RAD54L2: variants seen among roughly 807,000 people sequenced by gnomAD.
RAD54L2 encodes the protein helicase ARIP4.
A neutral mutation model predicts 138.4 loss-of-function variants in RAD54L2; 27 were observed. The observed-to-expected ratio is 0.20, with a 90% CI of 0.14 to 0.27. RAD54L2 has a LOEUF of 0.27. Among genes scored for constraint, RAD54L2 ranks in the 10% least tolerant of loss-of-function variants. The probability of loss-of-function intolerance (pLI) is 1.00; values close to 1 mark genes in which losing one functional copy is unlikely to be tolerated. For synonymous variants in RAD54L2, 644 were observed against 723.2 expected (o/e 0.89, Z 1.76); for missense variants, 1,396 against 1,890.2 (o/e 0.74, Z 4.85).
chr3:51,625,183 C>G (rs1700651823), intron 3 of RAD54L2, among the ~76,000 whole-genome samples: 1 of 152,176 alleles, frequency 6.6e-6, no homozygotes, highest in Non-Finnish European at 1.5e-5. Context: ...CTTTGGGAGG[C>G]TGAAGTGGGT....
chr3:51,568,239 A>G (rs115338192), intron 2 of RAD54L2, among the ~76,000 whole-genome samples: 1,840 of 152,218 alleles, frequency 0.012, 28 homozygotes, highest in African/African-American at 0.042. Flanking sequence ...TGTAACAGTG[A>G]GTTGCACTCC....
In RAD54L2 at chr3:51,663,501, A is replaced by C. The variant is rs977504020; in HGVS notation, c.*81A>C. The C allele has an allele frequency of 2.1e-6, 3 of 1,411,444 alleles. No individual in the cohort carries two copies. The highest frequency in any genetic ancestry group is 2.9e-5 in the African/African-American group (2 of 68,696). 87.4% of individuals were successfully genotyped at this position (1,411,444 alleles called of 1,614,324 possible). ...GAAAGGCAGTGATTTAGACCTTTTG[A>C]GAATAGGACACTTGGCAGGAGGGAA... On this transcript the variant is annotated 3_prime_UTR_variant, in exon 23 of 23. Transcript: ENST00000684192.
intron 1 of RAD54L2, chr3:51,541,310 A>T (rs1188954109): frequency 6.6e-6 from 1 of 152,192 alleles, no homozygotes; most frequent in Non-Finnish European, 1.5e-5. Flanking sequence ...GGTGACAGTT[A>T]ATTATCTTAA....
At chr3:51,555,459 A>G (rs533184556) in intron 2 of RAD54L2, among the ~76,000 whole-genome samples, 7 of 151,770 alleles carry the variant, frequency 4.6e-5, no homozygotes, top group Non-Finnish European at 8.8e-5. Flanking sequence ...CAAAAAATAC[A>G]AAAATTAGCC....
chr3:51,546,571 C>T (rs942859235), intron 2 of RAD54L2, among the ~76,000 whole-genome samples: 4 of 151,844 alleles, frequency 2.6e-5, no homozygotes, highest in Admixed American at 2.6e-4. Flanking sequence ...ACCTGGGAGG[C>T]GGAGGTTGTG....
At chr3:51,572,947 A>G (rs964041475) in intron 2 of RAD54L2, among the ~76,000 whole-genome samples, 57 of 152,166 alleles carry the variant, frequency 3.7e-4, no homozygotes, top group African/African-American at 1.3e-3. Flanking sequence ...AAAAGGTGCT[A>G]TAAATTTTAA....
At chr3:51,576,837 G>A (rs995247207) in intron 2 of RAD54L2, among the ~76,000 whole-genome samples, 1 of 151,786 alleles carries the variant, frequency 6.6e-6, no homozygotes, top group African/African-American at 2.4e-5. Flanking sequence ...GGTTTTTTGT[G>A]TCTCTATTTC....
chr3:51,663,476 G>A lies in RAD54L2; in HGVS notation c.*56G>A. ...CCCCCAGCAGGTTGCCCACCAAGCT[G>A]AAAGGCAGTGATTTAGACCTTTTGA... On this transcript the variant is annotated 3_prime_UTR_variant, in exon 23 of 23. Coordinates refer to ENST00000684192, the MANE Select transcript of RAD54L2 (RefSeq NM_015106.4). 1 of 1,553,148 alleles carries A rather than the reference G, an allele frequency of 6.4e-7. No individual in the cohort carries two copies.
chr3:51,554,779 C>T (rs1698924531), intron 2 of RAD54L2, among the ~76,000 whole-genome samples: 1 of 152,120 alleles, frequency 6.6e-6, no homozygotes, highest in African/African-American at 2.4e-5. Context: ...AAGACTTCAT[C>T]TACATAATAA....
intron 2 of RAD54L2, among the ~76,000 whole-genome samples, chr3:51,544,700 C>T (rs552832121): frequency 1.5e-4 from 23 of 152,158 alleles, no homozygotes; most frequent in Admixed American, 3.3e-4. Flanking sequence ...TCAACCTCCT[C>T]GGTTCAAGCT....
intron 2 of RAD54L2, among the ~76,000 whole-genome samples, chr3:51,575,777 A>G (rs1375903089): frequency 2.0e-5 from 3 of 152,214 alleles, no homozygotes; most frequent in Non-Finnish European, 4.4e-5. Flanking sequence ...TAAGTATACA[A>G]TCATGTCATC....
Position 51,656,036 on chromosome 3 carries a change from T to C in RAD54L2, c.3092T>C (p.Ile1031Thr). 1 of 1,613,914 alleles carries C rather than the reference T, an allele frequency of 6.2e-7. No individual in the cohort carries two copies. Among genetic ancestry groups the C allele is most frequent in the South Asian group, 1.1e-5 (1 of 91,068 alleles). ...GTTCGTCCTGTGCAGTCCACCCCCATCCCCATGATGCCCCGGCATGTCCCA... is the reference window on the plus strand; with the variant it reads ...GTTCGTCCTGTGCAGTCCACCCCCACCCCCATGATGCCCCGGCATGTCCCA... The part of the protein sequence containing the change: ...ASVRPVQSTP[I>T]PMMPRHVPLG... The change falls in exon 20 of 23, where the codon ATC becomes ACC. Residue 1031 changes from isoleucine (I) to threonine (T), a missense_variant. By Grantham distance (89) the Ile-to-Thr change is moderately conservative (BLOSUM62 -1). This residue lies in a region of RAD54L2 where 634 missense variants were observed against 711.2 expected (regional missense o/e 0.89). Coordinates refer to ENST00000684192, the MANE Select transcript of RAD54L2 (RefSeq NM_015106.4).
In RAD54L2 at chr3:51,645,792, A is replaced by C; in HGVS notation, c.2829+29A>C. The C allele has an allele frequency of 1.9e-6, 3 of 1,577,468 alleles. No individual in the cohort carries two copies. The South Asian group carries it at 3.5e-5, about 18-fold the overall frequency. On this transcript the variant is annotated intron_variant, in intron 18 of 22. Coordinates refer to ENST00000684192, the MANE Select transcript of RAD54L2 (RefSeq NM_015106.4). This position sits in a 1 kb window ranked among gnomAD's most constrained non-coding sequence, Gnocchi z 6.1. ...AGAACTTGGTATGCATGCAATCCCC[A>C]GAGTGGCAGTCTCTCTGTCAAAGGA...
In RAD54L2 at chr3:51,663,022, G is replaced by A. The variant is rs1389236738; in HGVS notation, c.4006G>A (p.Ala1336Thr). ...CCAGCTGTCCAATTTGCTGGCAGAT[G>A]CCCGCCTGGTGTTTCCAGTGACTAC... is the stretch of plus-strand genomic sequence containing the variant. Reference protein sequence around the residue: ...YYQLSNLLADARLVFPVTTDP... With the variant: ...YYQLSNLLADTRLVFPVTTDP... The change falls in exon 23 of 23, where the codon GCC becomes ACC. Residue 1336 changes from alanine to threonine, a missense_variant. By Grantham distance (58) the Ala-to-Thr change is moderately conservative. Transcript: ENST00000684192. 1 of 1,613,980 alleles carries A rather than the reference G, an allele frequency of 6.2e-7. No homozygotes were observed. The highest frequency in any genetic ancestry group is 1.1e-5 in the South Asian group (1 of 91,086).
At chr3:51,601,828 G>C (rs901950632) in intron 3 of RAD54L2, among the ~76,000 whole-genome samples, 13 of 151,032 alleles carry the variant, frequency 8.6e-5, no homozygotes, top group African/African-American at 3.2e-4. Flanking sequence ...ATCCCAATTT[G>C]TTTATCCATT....
chr3:51,634,147 G>A (rs1700918533), intron 9 of RAD54L2, 112 bp downstream of exon 9: 1 of 1,356,678 alleles, frequency 7.4e-7, no homozygotes, highest in Non-Finnish European at 9.9e-7. Context: ...ATTTGTTTTT[G>A]GTTTCCTGAT....
intron 1 of RAD54L2, among the ~76,000 whole-genome samples, chr3:51,539,349 C>T (rs1553670840): frequency 6.6e-6 from 1 of 152,152 alleles, no homozygotes; most frequent in African/African-American, 2.4e-5. Context: ...ACCCCCTCTC[C>T]TGAGGTCTGG....
In RAD54L2 at chr3:51,592,054, G is replaced by GTTTTTTTTTTTT. The variant is rs71084151; in HGVS notation, c.139+1513_139+1524dup. Among the ~76,000 whole-genome samples, 5 of 66,872 alleles carry GTTTTTTTTTTTT rather than the reference G, an allele frequency of 7.5e-5. 1 individual carries two copies. In the Admixed American group the frequency reaches 1.3e-3, roughly 18 times the overall value. 43.9% of individuals were successfully genotyped at this position (66,872 alleles called of 152,430 possible). A position where few individuals can be genotyped will look rare whatever the true frequency, so the allele number is the denominator to read the frequency against. On this transcript the variant is annotated intron_variant, in intron 3 of 22. Transcript: ENST00000684192. The stretch of plus-strand genomic sequence containing the variant: ...TGTAGCTGTGCAATTTGGTTTTGGT[G>GTTTTTTTTTTTT]TTTTTTTTTTTTTTTTTTTTTTTTT...
At chr3:51,649,505 C>T (rs1701373200) in intron 19 of RAD54L2, among the ~76,000 whole-genome samples, 1 of 152,028 alleles carries the variant, frequency 6.6e-6, no homozygotes, top group Non-Finnish European at 1.5e-5. Context: ...TCAGATTCAC[C>T]AAGGTTGAAA....
Sources: gnomAD v4.1 joint callset for allele counts (sites outside exome capture counted in the v4.1 genomes callset) on GRCh38, gnomAD v4.1.1 for gene constraint, gnomAD v4.1.1 regional missense constraint, Gnocchi (gnomAD v3.1) non-coding constraint, MANE v1.5 for transcripts, NCBI Gene and HGNC (gene_info 2026-07-23, HGNC 2026-07-21) for gene names.